Variants in AKAP12 observed in about 807,000 individuals in gnomAD.
AKAP12 encodes A-kinase anchoring protein 12.
A neutral mutation model predicts 79.9 loss-of-function variants in AKAP12; 32 were observed. The observed-to-expected ratio is 0.40, with a 90% CI of 0.30 to 0.54. The LOEUF is 0.54. Ranked by LOEUF, AKAP12 falls within the 20% of genes least tolerant of loss-of-function variation. The pLI, the probability that AKAP12 is intolerant of heterozygous loss-of-function variation, is 0.48. For missense variants in AKAP12, 2,074 were observed against 2,177.0 expected (o/e 0.95, Z 0.94); for synonymous variants, 808 against 857.0 (o/e 0.94, Z 1.00).
intron 2 of AKAP12, among the ~76,000 whole-genome samples, chr6:151,274,435 G>T (rs535671810): frequency 5.9e-5 from 9 of 152,094 alleles, no homozygotes; most frequent in African/African-American, 2.2e-4. Context: ...GAGGTGGGGG[G>T]GTTGGGTAGT....
intron 3 of AKAP12, among the ~76,000 whole-genome samples, chr6:151,312,345 C>T (rs144247031): frequency 1.3e-3 from 193 of 151,858 alleles, no homozygotes; most frequent in African/African-American, 4.4e-3. Flanking sequence ...TGGTGGTGCA[C>T]GCCTGTATTC....
At chr6:151,243,402 T>G (rs1267178772) in intron 2 of AKAP12, among the ~76,000 whole-genome samples, 1 of 152,252 alleles carries the variant, frequency 6.6e-6, no homozygotes, top group Non-Finnish European at 1.5e-5. Flanking sequence ...TACTTTCCTT[T>G]TTTTCTGCTA....
At chr6:151,348,332 A>G (rs1370463753) in intron 3 of AKAP12, 1 of 450,288 alleles carries the variant, frequency 2.2e-6, no homozygotes, top group Non-Finnish European at 4.5e-6. Context: ...CTCAAAAAAA[A>G]AAAAAAAAAA....
chr6:151,337,085 G>A (rs1777833026), intron 3 of AKAP12, among the ~76,000 whole-genome samples: 1 of 152,122 alleles, frequency 6.6e-6, no homozygotes, highest in South Asian at 2.1e-4. Context: ...GTAATGTGAA[G>A]CAAATATCGG....
chr6:151,340,863 G>T (rs1777927083), intron 3 of AKAP12, among the ~76,000 whole-genome samples: 1 of 152,098 alleles, frequency 6.6e-6, no homozygotes, highest in African/African-American at 2.4e-5. Context: ...GTTTCCTCGT[G>T]ATTAGATGCC....
intron 3 of AKAP12, among the ~76,000 whole-genome samples, chr6:151,347,898 G>A (rs571773610): frequency 1.5e-4 from 23 of 150,832 alleles, no homozygotes; most frequent in African/African-American, 4.6e-4. Flanking sequence ...TTGACTGGGC[G>A]TGTTGGCTCA....
intron 3 of AKAP12, among the ~76,000 whole-genome samples, chr6:151,312,309 G>A (rs915954778): frequency 5.3e-5 from 8 of 151,124 alleles, no homozygotes; most frequent in Non-Finnish European, 7.4e-5. Flanking sequence ...TTGTCTCTAC[G>A]AACGTTTAAA....
intron 2 of AKAP12, among the ~76,000 whole-genome samples, chr6:151,286,929 TTTTCTTTTTC>T (rs1453728650): frequency 1.3e-5 from 2 of 151,986 alleles, no homozygotes; most frequent in Non-Finnish European, 2.9e-5. Flanking sequence ...GGTAAGCATA[TTTTCTTTTTC>T]TTTCTTTTTT....
At chr6:151,296,750 C>G (rs1449956521) in intron 2 of AKAP12, among the ~76,000 whole-genome samples, 4 of 151,920 alleles carry the variant, frequency 2.6e-5, no homozygotes, top group Non-Finnish European at 4.4e-5. Flanking sequence ...GCACTCTAGC[C>G]TGCACTCTAG....
chr6:151,341,048 CT>C (rs201569373), intron 3 of AKAP12, among the ~76,000 whole-genome samples: 1,864 of 123,354 alleles, frequency 0.015, 34 homozygotes, highest in African/African-American at 0.072. Flanking sequence ...GTTTTTGTTT[CT>C]TTTTTTTCTT....
At chr6:151,246,850 C>T (rs1350414903) in intron 2 of AKAP12, among the ~76,000 whole-genome samples, 1 of 152,152 alleles carries the variant, frequency 6.6e-6, no homozygotes. Context: ...CAGCCTCGAC[C>T]TCCTGGGCTC....
intron 2 of AKAP12, among the ~76,000 whole-genome samples, chr6:151,288,989 T>C (rs73780606): frequency 0.01 from 1,524 of 152,360 alleles, 25 homozygotes; most frequent in African/African-American, 0.035. Context: ...AAAATGCACT[T>C]GTGTAAGATC....
In AKAP12 at chr6:151,319,443, G is replaced by GTCTATCTATCTA. The variant is rs59954289; in HGVS notation, c.319+13573_319+13584dup. On this transcript the variant is annotated intron_variant, in intron 3 of 4. Coordinates refer to ENST00000402676, the MANE Select transcript of AKAP12 (RefSeq NM_005100.4). ...CCCTGAATCTAAAAGACAGGTGTCT[G>GTCTATCTATCTA]TCTATCTATCTATCTATCTATCTAT... is the stretch of plus-strand genomic sequence containing the variant. Among the ~76,000 whole-genome samples the GTCTATCTATCTA allele has an allele frequency of 5.4e-3, 764 of 140,278 alleles. 1 individual carries two copies. The highest frequency in any genetic ancestry group is 0.015 in the Middle Eastern group (4 of 274). The allele number at this position is 140,278 out of a possible 152,430, so 92.0% of individuals were successfully genotyped here. A position where few individuals can be genotyped will look rare whatever the true frequency, so the allele number is the denominator to read the frequency against.
At chr6:151,290,798 C>T (rs961317502) in intron 2 of AKAP12, among the ~76,000 whole-genome samples, 5 of 152,178 alleles carry the variant, frequency 3.3e-5, no homozygotes, top group African/African-American at 1.2e-4. Flanking sequence ...TTAGTAGAGA[C>T]GGGGTTTCTC....
intron 3 of AKAP12, among the ~76,000 whole-genome samples, chr6:151,333,945 C>T (rs1679525782): frequency 6.6e-6 from 1 of 151,838 alleles, no homozygotes; most frequent in Non-Finnish European, 1.5e-5. Context: ...AAGAAGGGTC[C>T]TGGCCACCTT....
intron 3 of AKAP12, among the ~76,000 whole-genome samples, chr6:151,329,541 T>C (rs1467773154): frequency 1.3e-5 from 2 of 152,206 alleles, no homozygotes; most frequent in Non-Finnish European, 2.9e-5. Context: ...AAGTAGAAAC[T>C]GGGGAAGAAT....
chr6:151,304,263 G>C (rs1224937143), intron 2 of AKAP12, among the ~76,000 whole-genome samples: 1 of 151,888 alleles, frequency 6.6e-6, no homozygotes, highest in Non-Finnish European at 1.5e-5. Flanking sequence ...GCAGAGGTGG[G>C]TGGATCACTT....
At chr6:151,341,370 TTTAAA>T (rs1443517254) in intron 3 of AKAP12, among the ~76,000 whole-genome samples, 1 of 152,098 alleles carries the variant, frequency 6.6e-6, no homozygotes, top group African/African-American at 2.4e-5. Flanking sequence ...CCCTTTTTCT[TTTAAA>T]TTAAGTGTCA....
chr6:151,276,218 T>A (rs1328399478), intron 2 of AKAP12, among the ~76,000 whole-genome samples: 1 of 151,610 alleles, frequency 6.6e-6, no homozygotes, highest in Non-Finnish European at 1.5e-5. Flanking sequence ...GAACACCCTT[T>A]AAAAAAAAAT....
Sources: gnomAD v4.1 joint callset for allele counts (sites outside exome capture counted in the v4.1 genomes callset) on GRCh38, gnomAD v4.1.1 for gene constraint, MANE v1.5 for transcripts, NCBI Gene and HGNC (gene_info 2026-07-23, HGNC 2026-07-21) for gene names.